The following ZCCHC24 variants were observed in gnomAD, a reference collection of about 807,000 sequenced individuals.
ZCCHC24 encodes zinc finger CCHC-type containing 24.
In ZCCHC24, 10 loss-of-function variants were observed where a neutral mutation model predicts 26.2. That is an observed-to-expected ratio of 0.38 (90% CI 0.24 to 0.65). ZCCHC24 has a LOEUF of 0.65. Among genes scored for constraint, ZCCHC24 ranks in the 30% least tolerant of loss-of-function variants. The pLI is 0.54. For synonymous variants in ZCCHC24, 144 were observed against 147.1 expected (o/e 0.98, Z 0.15); for missense variants, 243 against 329.1 (o/e 0.74, Z 2.03).
chr10:79,403,719 C>T (rs185644218), intron 2 of ZCCHC24, among the ~76,000 whole-genome samples: 17 of 152,346 alleles, frequency 1.1e-4, no homozygotes, highest in Admixed American at 9.8e-4. Context: ...GCCCAGAAGG[C>T]CTGGCCTCTT....
chr10:79,430,682 C>CCACAA (rs1857112643), intron 2 of ZCCHC24, among the ~76,000 whole-genome samples: 1 of 102,586 alleles, frequency 9.7e-6, no homozygotes, highest in Non-Finnish European at 1.9e-5. Flanking sequence ...CTCACACACA[C>CCACAA]ACACCACACA....
intron 3 of ZCCHC24, among the ~76,000 whole-genome samples, chr10:79,387,372 C>T (rs1057354231): frequency 6.6e-6 from 1 of 152,186 alleles, no homozygotes; most frequent in Non-Finnish European, 1.5e-5. Flanking sequence ...CAGACGAGCA[C>T]ATTTCTATTA....
chr10:79,387,961 G>A (rs963024855), intron 3 of ZCCHC24, among the ~76,000 whole-genome samples: 2 of 152,142 alleles, frequency 1.3e-5, no homozygotes, highest in East Asian at 3.9e-4. Flanking sequence ...AGACAGGCAC[G>A]TCAACCACAT....
At chr10:79,422,468 G>A (rs1398469164) in intron 2 of ZCCHC24, among the ~76,000 whole-genome samples, 1 of 152,230 alleles carries the variant, frequency 6.6e-6, no homozygotes, top group African/African-American at 2.4e-5. Flanking sequence ...CAGAGACCTG[G>A]GTGAGGAAGA....
At chr10:79,415,672 C>A (rs2132199799) in intron 2 of ZCCHC24, among the ~76,000 whole-genome samples, 1 of 152,268 alleles carries the variant, frequency 6.6e-6, no homozygotes, top group Non-Finnish European at 1.5e-5. Context: ...CTTGTTGATT[C>A]TGGTGGCAGC....
At chr10:79,400,256 G>A (rs1364039080) in intron 2 of ZCCHC24, among the ~76,000 whole-genome samples, 1 of 152,170 alleles carries the variant, frequency 6.6e-6, no homozygotes, top group Non-Finnish European at 1.5e-5. Context: ...TCAGACATGC[G>A]GACAAAAGGG....
At chr10:79,412,358 G>A (rs10824753) in intron 2 of ZCCHC24, among the ~76,000 whole-genome samples, 65,688 of 152,132 alleles carry the variant, frequency 0.43, 14,609 homozygotes, top group South Asian at 0.49. Context: ...GCCTCTGTGC[G>A]AGTGTGCACA....
intron 2 of ZCCHC24, among the ~76,000 whole-genome samples, chr10:79,411,104 A>C (rs1176653333): frequency 6.6e-6 from 1 of 152,190 alleles, no homozygotes; most frequent in Non-Finnish European, 1.5e-5. Context: ...AGCAGGCAAC[A>C]GTGATGGATG....
rs1405652489 is a variant in ZCCHC24 at position 79,383,788 on chromosome 10, AT to A, written c.*2556del. ...TGAATTTTTTTTCCAAAATACACAC[AT>A]ATTTTTTTAAAAAAGGAATTCTGTG... On this transcript the variant is annotated 3_prime_UTR_variant, in exon 4 of 4. Coordinates refer to ENST00000372336, the MANE Select transcript of ZCCHC24 (RefSeq NM_153367.4). The A allele has an allele frequency of 6.5e-6, 1 of 152,682 alleles. No individual in the cohort carries two copies. Among genetic ancestry groups the A allele is most frequent in the Non-Finnish European group, 1.5e-5 (1 of 68,032 alleles). 9.5% of individuals were successfully genotyped at this position (152,682 alleles called of 1,614,324 possible).
At chr10:79,424,949 T>G (rs1016718157) in intron 2 of ZCCHC24, among the ~76,000 whole-genome samples, 1 of 151,810 alleles carries the variant, frequency 6.6e-6, no homozygotes, top group African/African-American at 2.4e-5. Context: ...TCCCCCAGAG[T>G]GGCCAATACT....
chr10:79,389,034 C>T (rs1225808667), intron 3 of ZCCHC24, among the ~76,000 whole-genome samples: 2 of 152,220 alleles, frequency 1.3e-5, no homozygotes, highest in South Asian at 2.1e-4. Flanking sequence ...TCAGGGCCAG[C>T]TTGTGACCAG....
chr10:79,408,778 G>A (rs1011591541), intron 2 of ZCCHC24, among the ~76,000 whole-genome samples: 1 of 152,110 alleles, frequency 6.6e-6, no homozygotes, highest in African/African-American at 2.4e-5. Flanking sequence ...AGCCTAAACT[G>A]CAAAAGGTGG....
chr10:79,421,700 C>T (rs2132205828), intron 2 of ZCCHC24, among the ~76,000 whole-genome samples: 1 of 152,184 alleles, frequency 6.6e-6, no homozygotes, highest in East Asian at 1.9e-4. Flanking sequence ...GATCTCGGCT[C>T]ACTGCAACCT....
chr10:79,442,540 G>A (rs1158332690), intron 1 of ZCCHC24, among the ~76,000 whole-genome samples: 2 of 152,190 alleles, frequency 1.3e-5, no homozygotes, highest in Non-Finnish European at 2.9e-5. Context: ...GGAGGGGGTG[G>A]GCTCTTGGCA....
chr10:79,399,835 T>C (rs1204563411), intron 2 of ZCCHC24, among the ~76,000 whole-genome samples: 1 of 152,246 alleles, frequency 6.6e-6, no homozygotes, highest in Non-Finnish European at 1.5e-5. Flanking sequence ...CTCTGGGCAC[T>C]TCTTCAGAAT....
At chr10:79,412,332 G>A (rs1012300504) in intron 2 of ZCCHC24, among the ~76,000 whole-genome samples, 2 of 152,254 alleles carry the variant, frequency 1.3e-5, no homozygotes, top group Admixed American at 6.5e-5. Flanking sequence ...CTTGGCAGCA[G>A]CCTGCAGCGG....
chr10:79,417,846 G>A (rs1256102264), intron 2 of ZCCHC24, among the ~76,000 whole-genome samples: 1 of 152,204 alleles, frequency 6.6e-6, no homozygotes, highest in Non-Finnish European at 1.5e-5. Flanking sequence ...CTTGGAATGG[G>A]AGGGAGTGGG....
intron 2 of ZCCHC24, among the ~76,000 whole-genome samples, chr10:79,422,067 G>A (rs1032137840): frequency 2.6e-5 from 4 of 152,050 alleles, no homozygotes; most frequent in African/African-American, 7.2e-5. Context: ...CCCTTCGCAT[G>A]CTCCCTAACA....
At chr10:79,413,399 G>A (rs143378066) in intron 2 of ZCCHC24, among the ~76,000 whole-genome samples, 8 of 152,364 alleles carry the variant, frequency 5.3e-5, no homozygotes, top group Non-Finnish European at 1.2e-4. Context: ...GCGGGCACCC[G>A]TCCTGGGGGA....
Sources: allele counts gnomAD v4.1 joint callset (sites outside exome capture counted in the v4.1 genomes callset), GRCh38; gene constraint gnomAD v4.1.1; transcripts MANE v1.5; gene names NCBI Gene and HGNC (gene_info 2026-07-23, HGNC 2026-07-21).